PPP1R9A: variants seen among roughly 807,000 people sequenced by gnomAD.
The protein encoded by PPP1R9A is protein phosphatase 1 regulatory subunit 9A, also known as neurabin-1.
In PPP1R9A, 59 loss-of-function variants were observed where a neutral mutation model predicts 141.9. The ratio of observed to expected loss-of-function variants is 0.42; its 90% CI spans 0.34 to 0.52. PPP1R9A has a LOEUF of 0.52. Ranked by LOEUF, PPP1R9A falls within the 20% of genes least tolerant of loss-of-function variation. The pLI, the probability that PPP1R9A is intolerant of heterozygous loss-of-function variation, is 0.10. For missense variants in PPP1R9A, 1,444 were observed against 1,611.9 expected, an observed-to-expected ratio of 0.90 and a Z score of 1.78; for synonymous variants, 500 against 569.7, an observed-to-expected ratio of 0.88 and a Z score of 1.74.
At chr7:95,243,158 T>G (rs1047115348) in intron 8 of PPP1R9A, among the ~76,000 whole-genome samples, 1 of 152,070 alleles carries the variant, frequency 6.6e-6, no homozygotes, top group Non-Finnish European at 1.5e-5. Flanking sequence ...GAAAGTAGGG[T>G]CCACGTCTGG....
At chr7:94,964,217 C>T (rs1366908402) in intron 2 of PPP1R9A, among the ~76,000 whole-genome samples, 1 of 152,078 alleles carries the variant, frequency 6.6e-6, no homozygotes, top group African/African-American at 2.4e-5. Flanking sequence ...GTAGTTTCCT[C>T]ATTTTGGCTG....
chr7:95,276,860 C>T lies in PPP1R9A; in HGVS notation c.3296+2692C>T, dbSNP rs867682914. On this transcript the variant is annotated intron_variant, in intron 16 of 19. Coordinates refer to ENST00000433360, the MANE Select transcript of PPP1R9A (RefSeq NM_001166160.2). ...TAACACTAATAAAATCTGTGGACAG[C>T]TATATTCTTCTGTATAGATTGATAA... Among the ~76,000 whole-genome samples, 8 of 152,244 alleles carry T rather than the reference C, an allele frequency of 5.3e-5. No homozygotes were observed. In the Middle Eastern group the frequency reaches 0.01, roughly 194 times the overall value.
chr7:94,913,154 A>T (rs1484967222), intron 2 of PPP1R9A, among the ~76,000 whole-genome samples: 1 of 152,150 alleles, frequency 6.6e-6, no homozygotes, highest in Non-Finnish European at 1.5e-5. Context: ...AAAATTTATC[A>T]AGTAGACCAC....
At chr7:94,930,825 TAGCCATTTAAAATG>T (rs1794067157) in intron 2 of PPP1R9A, among the ~76,000 whole-genome samples, 1 of 152,200 alleles carries the variant, frequency 6.6e-6, no homozygotes, top group South Asian at 2.1e-4. Context: ...ATTACCTATT[TAGCCATTTAAAATG>T]AGCCATTTAA....
chr7:94,986,394 A>G (rs1800836116), intron 2 of PPP1R9A, among the ~76,000 whole-genome samples: 1 of 152,190 alleles, frequency 6.6e-6, no homozygotes, highest in South Asian at 2.1e-4. Flanking sequence ...AGTCAGGCAC[A>G]GAAAGATAAA....
chr7:95,250,094 A>C lies in PPP1R9A; in HGVS notation c.2235A>C (p.Glu745Asp). ...AAACCCAACTCCAACAAAACATAGA[A>C]GAGAATAAGGAAAGAATGTTGAAGT... Reference protein sequence around the residue: ...LEKTQLQQNIEENKERMLKLE... With the variant: ...LEKTQLQQNIDENKERMLKLE... The change falls in exon 10 of 20, where the codon GAA (glutamate) becomes GAC (aspartate). Residue 745 changes from glutamate (E) to aspartate (D), a missense_variant. Glu to Asp is a conservative substitution (Grantham distance 45). Coordinates refer to ENST00000433360, the MANE Select transcript of PPP1R9A (RefSeq NM_001166160.2). 2.5e-6 allele frequency: 4 copies of C among 1,613,634 alleles called. No homozygotes were observed. Among genetic ancestry groups the C allele is most frequent in the Non-Finnish European group, 3.4e-6 (4 of 1,179,854 alleles).
intron 2 of PPP1R9A, among the ~76,000 whole-genome samples, chr7:94,913,954 G>A (rs1368307924): frequency 2.0e-5 from 3 of 152,118 alleles, no homozygotes; most frequent in Admixed American, 6.5e-5. Flanking sequence ...GAGTCCTTTA[G>A]TGGCACTTGG....
chr7:95,085,477 C>A (rs557293834), intron 2 of PPP1R9A, among the ~76,000 whole-genome samples: 18 of 147,834 alleles, frequency 1.2e-4, no homozygotes, highest in Non-Finnish European at 2.7e-4. Context: ...TACAGTGGCA[C>A]GATCTCGGCT....
chr7:94,971,418 CT>C (rs1231472755), intron 2 of PPP1R9A, among the ~76,000 whole-genome samples: 24 of 152,072 alleles, frequency 1.6e-4, no homozygotes, highest in African/African-American at 5.8e-4. Context: ...CGCTTTTTTT[CT>C]TTATTACCCA....
intron 14 of PPP1R9A, 132 bp downstream of exon 14, chr7:95,269,639 G>T: frequency 1.5e-6 from 1 of 678,028 alleles, no homozygotes; most frequent in Non-Finnish European, 2.2e-6. Flanking sequence ...TTATATTATA[G>T]AATAAGAGAA....
chr7:95,141,962 G>A (rs1826776588), intron 4 of PPP1R9A, among the ~76,000 whole-genome samples: 2 of 152,064 alleles, frequency 1.3e-5, no homozygotes, highest in Admixed American at 6.6e-5. Flanking sequence ...GGTTTCATAA[G>A]CAGCTGAGTC....
chr7:95,108,737 G>A (rs1252908435), intron 2 of PPP1R9A: 1 of 151,800 alleles, frequency 6.6e-6, no homozygotes, highest in Non-Finnish European at 1.5e-5. Flanking sequence ...CCCGAATAGG[G>A]AAGAACATTC....
chr7:95,229,244 C>T (rs574103540), intron 8 of PPP1R9A, among the ~76,000 whole-genome samples: 1 of 152,056 alleles, frequency 6.6e-6, no homozygotes, highest in South Asian at 2.1e-4. Context: ...AGGAAAATAC[C>T]AGGAAAGCCA....
chr7:94,980,433 C>T, intron 2 of PPP1R9A, among the ~76,000 whole-genome samples: 1 of 151,914 alleles, frequency 6.6e-6, no homozygotes, highest in East Asian at 1.9e-4. Flanking sequence ...TTGTACAGTA[C>T]ATTCTAATAC....
chr7:95,277,341 T>C (rs909602152), intron 16 of PPP1R9A, among the ~76,000 whole-genome samples: 19 of 152,190 alleles, frequency 1.2e-4, no homozygotes, highest in African/African-American at 3.9e-4. Flanking sequence ...TGGATGAGGC[T>C]AATAATAATA....
intron 2 of PPP1R9A, among the ~76,000 whole-genome samples, chr7:94,927,948 G>A (rs1181264583): frequency 6.6e-6 from 1 of 152,154 alleles, no homozygotes; most frequent in Non-Finnish European, 1.5e-5. Context: ...AATGAAAGGG[G>A]ATGTTATGAA....
intron 5 of PPP1R9A, chr7:95,175,208 T>G (rs1361387214): frequency 6.6e-6 from 1 of 152,114 alleles, no homozygotes; most frequent in East Asian, 1.9e-4. Flanking sequence ...CAAGGATCAC[T>G]TGGGTCTATG....
chr7:95,264,452 A>C (rs1800940898), intron 12 of PPP1R9A, among the ~76,000 whole-genome samples: 1 of 152,194 alleles, frequency 6.6e-6, no homozygotes, highest in South Asian at 2.1e-4. Context: ...AGTGAAAAAA[A>C]CTGTATGACT....
At chr7:94,986,042 A>G (rs945895621) in intron 2 of PPP1R9A, among the ~76,000 whole-genome samples, 1 of 152,178 alleles carries the variant, frequency 6.6e-6, no homozygotes. Flanking sequence ...GATATCAGCA[A>G]GCAAAAAATA....
Sources: gnomAD v4.1 joint callset for allele counts (sites outside exome capture counted in the v4.1 genomes callset) on GRCh38, gnomAD v4.1.1 for gene constraint, MANE v1.5 for transcripts, NCBI Gene and HGNC (gene_info 2026-07-23, HGNC 2026-07-21) for gene names.